Variants in COL5A2 observed in about 807,000 individuals in gnomAD.
The protein encoded by COL5A2 is collagen type V alpha 2 chain.
In COL5A2, 23 loss-of-function variants were observed where a neutral mutation model predicts 208.2. The ratio of observed to expected loss-of-function variants is 0.11; its 90% confidence interval spans 0.08 to 0.16. The LOEUF (loss-of-function observed/expected upper bound fraction) is 0.16, where lower values mean the gene tolerates loss of function less well. Among genes scored for constraint, COL5A2 ranks in the 10% least tolerant of loss-of-function variants. The pLI is 1.00. For missense variants in COL5A2, 1,590 were observed against 1,956.4 expected (o/e 0.81, Z 3.53); for synonymous variants, 625 against 628.5 (o/e 0.99, Z 0.08).
At chr2:189,378,531 T>C in the COL5A2 span, among the ~76,000 whole-genome samples, 1,269 of 152,198 alleles carry the variant, frequency 8.3e-3, 17 homozygotes, top group African/African-American at 0.029. Flanking sequence ...GAGACCATCA[T>C]GGCTAACACG....
chr2:189,404,316 C>T, the COL5A2 span, among the ~76,000 whole-genome samples: 1 of 152,170 alleles, frequency 6.6e-6, no homozygotes, highest in Non-Finnish European at 1.5e-5. Context: ...CTGAATAGAA[C>T]AGAAAGGCAA....
At chr2:189,401,603 T>C in the COL5A2 span, among the ~76,000 whole-genome samples, 4 of 152,176 alleles carry the variant, frequency 2.6e-5, no homozygotes, top group Non-Finnish European at 4.4e-5. Flanking sequence ...ATGGGTCAAA[T>C]AATATTTCTG....
intron 1 of COL5A2, among the ~76,000 whole-genome samples, chr2:189,217,484 A>C (rs2105874710): frequency 6.6e-6 from 1 of 152,208 alleles, no homozygotes; most frequent in South Asian, 2.1e-4. Flanking sequence ...GGAAACACTT[A>C]CTTTTGATTT....
chr2:189,366,620 C>T, the COL5A2 span, among the ~76,000 whole-genome samples: 4 of 152,326 alleles, frequency 2.6e-5, no homozygotes, highest in South Asian at 6.2e-4. Context: ...TGCATGTGTG[C>T]ATGTGGGTGT....
At chr2:189,127,172 T>G (rs1177376215) in intron 1 of COL5A2, among the ~76,000 whole-genome samples, 3 of 151,848 alleles carry the variant, frequency 2.0e-5, no homozygotes, top group East Asian at 3.9e-4. Context: ...TCAATACAGT[T>G]AAAAGGCAGG....
chr2:189,059,148 T>A (rs1685966450), intron 31 of COL5A2, among the ~76,000 whole-genome samples: 1 of 152,206 alleles, frequency 6.6e-6, no homozygotes. Flanking sequence ...ACATGCAAAG[T>A]ACTATTTCAC....
intron 1 of COL5A2, among the ~76,000 whole-genome samples, chr2:189,145,546 C>T (rs1482787169): frequency 6.6e-6 from 1 of 151,962 alleles, no homozygotes; most frequent in African/African-American, 2.4e-5. Flanking sequence ...ACACAAAAAC[C>T]TGACCTGCAA....
intron 1 of COL5A2, among the ~76,000 whole-genome samples, chr2:189,119,624 G>A (rs1260373361): frequency 1.3e-5 from 2 of 151,756 alleles, no homozygotes; most frequent in African/African-American, 2.4e-5. Flanking sequence ...TGGTGACTAC[G>A]AATAAAATAT....
At chr2:189,364,128 A>G in the COL5A2 span, among the ~76,000 whole-genome samples, 1 of 152,256 alleles carries the variant, frequency 6.6e-6, no homozygotes, top group African/African-American at 2.4e-5. Context: ...TAATGCAATT[A>G]ATGCAGTTAT....
At chr2:189,180,237 T>C (rs1382748487), upstream of COL5A2, among the ~76,000 whole-genome samples, 1 of 152,210 alleles carries the variant, frequency 6.6e-6, no homozygotes, top group Non-Finnish European at 1.5e-5. Flanking sequence ...TAGGGAGTAT[T>C]CTTATCCCCT....
chr2:189,294,321 A>G, the COL5A2 span, among the ~76,000 whole-genome samples: 1 of 152,108 alleles, frequency 6.6e-6, no homozygotes, highest in Non-Finnish European at 1.5e-5. Context: ...AGTTTTGAAA[A>G]CTGTATTTAT....
intron 17 of COL5A2, 60 bp downstream of exon 17, chr2:189,075,333 G>A: frequency 8.0e-7 from 1 of 1,249,232 alleles, no homozygotes; most frequent in Non-Finnish European, 1.2e-6. Context: ...GTTTTTGAAT[G>A]TACAAATGGA....
Position 189,088,725 on chromosome 2 carries a change from C to T in COL5A2, c.615G>A (p.Gly205=), listed in dbSNP as rs757199738. 2.2e-5 allele frequency: 36 copies of T among 1,613,980 alleles called. No individual in the cohort carries two copies. The highest frequency in any genetic ancestry group is 3.1e-5 in the Non-Finnish European group (36 of 1,179,936). ...AGCCAGGCATTAGTCCTACTTGACT[C>T]CCAAGTCCAGATTTTTCATCCAACC... is the stretch of plus-strand genomic sequence containing the variant. ...MAGLDEKSGL[G]SQVGLMPGSV... is the part of the protein sequence containing the mutation. Residue 205 remains glycine, a synonymous_variant, in exon 8 of 54, where the codon GGG becomes GGA. Coordinates refer to ENST00000374866, the MANE Select transcript of COL5A2 (RefSeq NM_000393.5).
the COL5A2 span, among the ~76,000 whole-genome samples, chr2:189,359,611 T>TC: frequency 6.6e-6 from 1 of 152,208 alleles, no homozygotes; most frequent in Non-Finnish European, 1.5e-5. Flanking sequence ...TCCCGCCTCT[T>TC]CAACTTTTTG....
intron 17 of COL5A2, among the ~76,000 whole-genome samples, chr2:189,074,323 A>G (rs1686349260): frequency 1.3e-5 from 2 of 152,094 alleles, no homozygotes; most frequent in South Asian, 2.1e-4. Context: ...AAGTATTCAG[A>G]TTTTCATCTT....
the COL5A2 span, among the ~76,000 whole-genome samples, chr2:189,363,392 CT>C: frequency 6.6e-6 from 1 of 151,890 alleles, no homozygotes; most frequent in Admixed American, 6.6e-5. Flanking sequence ...TTATCAAATC[CT>C]TTTTTTCCAT....
intron 1 of COL5A2, among the ~76,000 whole-genome samples, chr2:189,190,722 G>A (rs542208864): frequency 6.6e-6 from 1 of 152,318 alleles, no homozygotes; most frequent in Non-Finnish European, 1.5e-5. Flanking sequence ...TAATGCATGA[G>A]CATCAGTCAT....
At chr2:189,263,952 G>A in the COL5A2 span, among the ~76,000 whole-genome samples, 1 of 152,048 alleles carries the variant, frequency 6.6e-6, no homozygotes, top group Non-Finnish European at 1.5e-5. Context: ...ATTGGAATAT[G>A]CAAACTATGC....
At chr2:189,230,368 C>G in the COL5A2 span, among the ~76,000 whole-genome samples, 1 of 151,622 alleles carries the variant, frequency 6.6e-6, no homozygotes, top group Non-Finnish European at 1.5e-5. Context: ...GCAAAGGAAA[C>G]AAGAGAGTCA....
Sources: gnomAD v4.1 joint callset for allele counts (sites outside exome capture counted in the v4.1 genomes callset) on GRCh38, gnomAD v4.1.1 for gene constraint, MANE v1.5 for transcripts, NCBI Gene and HGNC (gene_info 2026-07-23, HGNC 2026-07-21) for gene names.